Variants in ITPR2 observed in about 807,000 individuals in gnomAD.
The protein encoded by ITPR2 is inositol 1,4,5-trisphosphate receptor type 2, also known as inositol 1,4,5-trisphosphate-gated calcium channel ITPR2.
A neutral mutation model predicts 317.1 loss-of-function variants in ITPR2; 207 were observed. The ratio of observed to expected loss-of-function variants is 0.65; its 90% CI spans 0.58 to 0.73. The LOEUF (loss-of-function observed/expected upper bound fraction) is 0.73, where lower values mean the gene tolerates loss of function less well. Ranked by LOEUF, ITPR2 falls within the 30% of genes least tolerant of loss-of-function variation. ITPR2 has a pLI of 0.00. For synonymous variants in ITPR2, 1,156 were observed against 1,149.1 expected (o/e 1.01, Z -0.12); for missense variants, 2,613 against 3,284.0 (o/e 0.80, Z 4.99).
At chr12:26,772,387 TA>T (rs1388939321) in intron 2 of ITPR2, among the ~76,000 whole-genome samples, 4 of 135,180 alleles carry the variant, frequency 3.0e-5, no homozygotes, top group Admixed American at 7.7e-5. Context: ...TACCTTGTGT[TA>T]TATTATATAT....
At chr12:26,790,598 C>CACAG in intron 1 of ITPR2, among the ~76,000 whole-genome samples, 1 of 151,932 alleles carries the variant, frequency 6.6e-6, no homozygotes, top group Middle Eastern at 3.4e-3. Flanking sequence ...CACACACACA[C>CACAG]ACACACACAC....
At chr12:26,405,545 C>T (rs1940320548) in intron 52 of ITPR2, among the ~76,000 whole-genome samples, 1 of 151,994 alleles carries the variant, frequency 6.6e-6, no homozygotes, top group Admixed American at 6.6e-5. Flanking sequence ...GAAATAGTTC[C>T]CTCTAATCTG....
chr12:26,753,004 C>T (rs953881350), intron 2 of ITPR2, among the ~76,000 whole-genome samples: 6 of 152,032 alleles, frequency 3.9e-5, no homozygotes, highest in African/African-American at 1.4e-4. Flanking sequence ...GAGGTGACCC[C>T]CCACCCAAAG....
At chr12:26,542,868 T>C (rs913980595) in intron 37 of ITPR2, among the ~76,000 whole-genome samples, 1 of 152,220 alleles carries the variant, frequency 6.6e-6, no homozygotes, top group African/African-American at 2.4e-5. Flanking sequence ...CTTCTTTGAC[T>C]AGAATGTAAA....
At chr12:26,530,778 G>GA (rs952202556) in intron 37 of ITPR2, among the ~76,000 whole-genome samples, 3 of 151,436 alleles carry the variant, frequency 2.0e-5, no homozygotes, top group African/African-American at 4.8e-5. Context: ...AATAAATTCA[G>GA]AAAAAAAAGA....
intron 26 of ITPR2, among the ~76,000 whole-genome samples, chr12:26,605,412 T>TAC (rs1268746867): frequency 1.3e-5 from 2 of 151,898 alleles, no homozygotes; most frequent in Admixed American, 6.6e-5. Flanking sequence ...AGAGAAGAAA[T>TAC]ACTAAAACAT....
At chr12:26,417,282 G>T (rs1401420117) in intron 50 of ITPR2, among the ~76,000 whole-genome samples, 1 of 152,072 alleles carries the variant, frequency 6.6e-6, no homozygotes, top group Non-Finnish European at 1.5e-5. Context: ...AGATTTGAAA[G>T]ATAAAAGACC....
chr12:26,744,167 T>C (rs1949280606), intron 2 of ITPR2, among the ~76,000 whole-genome samples: 1 of 152,168 alleles, frequency 6.6e-6, no homozygotes, highest in South Asian at 2.1e-4. Context: ...GCCTCCACCT[T>C]ACTCAAAGCA....
At chr12:26,381,583 C>T (rs1939511145) in intron 55 of ITPR2, among the ~76,000 whole-genome samples, 3 of 152,296 alleles carry the variant, frequency 2.0e-5, no homozygotes, top group Admixed American at 2.0e-4. Flanking sequence ...TTTCAAGAAA[C>T]TTATATTTTA....
intron 9 of ITPR2, among the ~76,000 whole-genome samples, chr12:26,699,598 TAGAG>T (rs1355561566): frequency 2.0e-5 from 3 of 152,084 alleles, no homozygotes; most frequent in South Asian, 2.1e-4. Context: ...ATAATTAACA[TAGAG>T]AGATTACCTC....
At chr12:26,339,651 G>A (rs1938039378) in intron 56 of ITPR2, among the ~76,000 whole-genome samples, 168 bp from the exon 57 acceptor site, 1 of 152,074 alleles carries the variant, frequency 6.6e-6, no homozygotes, top group African/African-American at 2.4e-5. Context: ...TCCATAAACA[G>A]AGAAAAAGAG....
chr12:26,657,840 C>T lies in ITPR2; in HGVS notation c.2059G>A (p.Asp687Asn). 6.2e-7 allele frequency: 1 copy of T among 1,614,194 alleles called. No homozygotes were observed. Among genetic ancestry groups the T allele is most frequent in the Non-Finnish European group, 8.5e-7 (1 of 1,180,028 alleles). ...NPMESSILSDDIDDEEVWLYW... is the reference protein window; with the variant it reads ...NPMESSILSDNIDDEEVWLYW... ...AGCCAAACTTCTTCATCATCAATGT[C>T]ATCTGAAAGGATGGAGCTCTCCATG... Residue 687 changes from aspartate to asparagine, a missense_variant, in exon 18 of 57, where the codon GAC (aspartate) becomes AAC (asparagine). Transcript: ENST00000381340.
intron 9 of ITPR2, among the ~76,000 whole-genome samples, chr12:26,700,389 G>A (rs1027976846): frequency 7.9e-5 from 12 of 152,192 alleles, no homozygotes; most frequent in African/African-American, 1.7e-4. Context: ...TGTCACTTAC[G>A]AAATACTTTT....
At chr12:26,715,589 AAAAT>A in intron 7 of ITPR2, 144 bp from the exon 8 acceptor site, 1 of 855,304 alleles carries the variant, frequency 1.2e-6, no homozygotes, top group Non-Finnish European at 1.8e-6. Flanking sequence ...TAAACATTTA[AAAAT>A]GTGGGGGGGA....
In ITPR2 at chr12:26,768,414, TA is replaced by T. The variant is rs1222720407; in HGVS notation, c.163+21742del. On this transcript the variant is annotated intron_variant, in intron 2 of 56. Transcript: ENST00000381340. ...ATGTACCCTAAAACTTAAAGTATAA[TA>T]AAAAAAAATTAAAAAAAAATAAAAA... Among the ~76,000 whole-genome samples, 574 of 65,476 alleles carry T rather than the reference TA, an allele frequency of 8.8e-3. 1 individual carries two copies. Among genetic ancestry groups the T allele is most frequent in the African/African-American group, 0.033 (440 of 13,224 alleles). The allele number at this position is 65,476 out of a possible 152,430, so 43.0% of individuals were successfully genotyped here. A position where few individuals can be genotyped will look rare whatever the true frequency, so the allele number is the denominator to read the frequency against.
rs1592015675 is a variant in ITPR2, at chr12:26,429,308, G to A, written c.6770-1220C>T. On this transcript the variant is annotated intron_variant, in intron 48 of 56. Coordinates refer to ENST00000381340, the MANE Select transcript of ITPR2 (RefSeq NM_002223.4). ...TCTCTGAAAGCAAACAATGATGAAA[G>A]GAGCTTGGGAAGACAGATGTGATAT... 2.6e-5 allele frequency among the ~76,000 whole-genome samples: 4 copies of A among 152,186 alleles called. No homozygotes were observed. The South Asian group carries it at 6.2e-4, about 24-fold the overall frequency.
intron 2 of ITPR2, among the ~76,000 whole-genome samples, chr12:26,768,571 T>TAAAAAAAAAAAAAAAA (rs879291062): frequency 1.0e-5 from 1 of 96,162 alleles, no homozygotes; most frequent in African/African-American, 6.0e-5. Context: ...CAAATATATA[T>TAAAAAAAAAAAAAAAA]AAAAAAAAAA....
At chr12:26,346,799 G>A (rs1938327115) in intron 55 of ITPR2, among the ~76,000 whole-genome samples, 2 of 152,100 alleles carry the variant, frequency 1.3e-5, no homozygotes, top group Non-Finnish European at 2.9e-5. Context: ...TAAGGAGGAA[G>A]AAAGCCTTAT....
chr12:26,683,861 C>G (rs1246101352), intron 11 of ITPR2, among the ~76,000 whole-genome samples: 1 of 152,086 alleles, frequency 6.6e-6, no homozygotes, highest in Non-Finnish European at 1.5e-5. Context: ...TGTATAGTGT[C>G]TATTAAAAGA....
Sources: gnomAD v4.1 joint callset for allele counts (sites outside exome capture counted in the v4.1 genomes callset) on GRCh38, gnomAD v4.1.1 for gene constraint, MANE v1.5 for transcripts, NCBI Gene and HGNC (gene_info 2026-07-23, HGNC 2026-07-21) for gene names.